Variants in FTO observed in about 807,000 individuals in gnomAD.
The protein encoded by FTO is alpha-ketoglutarate-dependent dioxygenase FTO.
Under a neutral mutation model 63.9 loss-of-function variants are expected in FTO, and 47 were observed. The observed-to-expected ratio is 0.74, with a 90% CI of 0.58 to 0.94. FTO has a LOEUF of 0.94. FTO is among the 40% of genes least tolerant of loss of function. FTO has a pLI of 0.00. For missense variants in FTO, 562 were observed against 618.1 expected, an observed-to-expected ratio of 0.91 and a Z score of 0.96; for synonymous variants, 207 against 224.4, an observed-to-expected ratio of 0.92 and a Z score of 0.69.
At chr16:53,973,861 C>T (rs1403401660) in intron 8 of FTO, among the ~76,000 whole-genome samples, 4 of 152,088 alleles carry the variant, frequency 2.6e-5, no homozygotes, top group East Asian at 1.9e-4. Flanking sequence ...TCCACTTTAC[C>T]GTATGTAAAA....
intron 8 of FTO, among the ~76,000 whole-genome samples, chr16:53,950,310 C>T (rs1017406735): frequency 5.9e-5 from 9 of 151,920 alleles, no homozygotes; most frequent in African/African-American, 1.5e-4. Flanking sequence ...CAAAAAGCCT[C>T]GTTACTGAGA....
chr16:53,722,780 G>T (rs1277824545), intron 1 of FTO, among the ~76,000 whole-genome samples: 2 of 151,432 alleles, frequency 1.3e-5, no homozygotes, highest in East Asian at 3.9e-4. Context: ...GTGAGCTGAG[G>T]TTGCACCACT....
intron 8 of FTO, among the ~76,000 whole-genome samples, chr16:54,099,657 A>C (rs774624613): frequency 2.0e-5 from 3 of 152,216 alleles, no homozygotes; most frequent in African/African-American, 7.2e-5. Flanking sequence ...TGACAAGCCC[A>C]CAAATGAACT....
At chr16:53,766,661 T>C (rs1193771248) in intron 1 of FTO, among the ~76,000 whole-genome samples, 1 of 152,146 alleles carries the variant, frequency 6.6e-6, no homozygotes, top group Non-Finnish European at 1.5e-5. Flanking sequence ...AAGAGGCTGT[T>C]GTGGAGAGGG....
chr16:54,105,490 C>G (rs1227185642), intron 8 of FTO, among the ~76,000 whole-genome samples: 3 of 152,138 alleles, frequency 2.0e-5, no homozygotes, highest in Admixed American at 6.6e-5. Flanking sequence ...CGCCCTGGCT[C>G]ACTTGCACAC....
intron 8 of FTO, among the ~76,000 whole-genome samples, chr16:53,965,162 C>T (rs1411021181): frequency 2.0e-5 from 3 of 152,150 alleles, no homozygotes; most frequent in Non-Finnish European, 2.9e-5. Flanking sequence ...CAACCTCCGC[C>T]TCCTGGGTTC....
chr16:53,924,163 CA>C (rs1186510657), intron 7 of FTO, among the ~76,000 whole-genome samples: 2 of 152,194 alleles, frequency 1.3e-5, no homozygotes, highest in Admixed American at 1.3e-4. Flanking sequence ...TAACATTTAT[CA>C]AGCATTTTGT....
At chr16:53,980,161 C>A (rs1461635206) in intron 8 of FTO, among the ~76,000 whole-genome samples, 2 of 152,218 alleles carry the variant, frequency 1.3e-5, no homozygotes, top group African/African-American at 2.4e-5. Flanking sequence ...AGTGAAGCCA[C>A]ATGACTTTGC....
intron 8 of FTO, among the ~76,000 whole-genome samples, chr16:54,008,803 A>C (rs1201618503): frequency 2.9e-5 from 4 of 137,530 alleles, no homozygotes; most frequent in African/African-American, 1.1e-4. Context: ...CCCTGTCTCC[A>C]CAAATAATAA....
intron 7 of FTO, among the ~76,000 whole-genome samples, chr16:53,914,026 G>A (rs557425432): frequency 6.6e-6 from 1 of 150,948 alleles, no homozygotes; most frequent in South Asian, 2.1e-4. Context: ...CCTGGCCACA[G>A]TCCCTCGGCC....
rs1016084010 is a variant in FTO, at chr16:53,811,886, C to A, written c.123+1669C>A. On this transcript the variant is annotated intron_variant, in intron 2 of 8. Coordinates refer to ENST00000471389, the MANE Select transcript of FTO (RefSeq NM_001080432.3). Reference sequence around the variant, plus strand: ...GGAATGCAGTGGTGTAATCTGGATTCACTGCAACCTCTGCCCCCTGGGCCC... The same window carrying A: ...GGAATGCAGTGGTGTAATCTGGATTAACTGCAACCTCTGCCCCCTGGGCCC... Among the ~76,000 whole-genome samples the A allele has an allele frequency of 3.3e-5, 5 of 152,236 alleles. No individual in the cohort carries two copies. In the South Asian group the frequency reaches 1.0e-3, roughly 32 times the overall value.
At chr16:53,873,339 C>T (rs1320026384) in intron 4 of FTO, among the ~76,000 whole-genome samples, 1 of 151,946 alleles carries the variant, frequency 6.6e-6, no homozygotes, top group Non-Finnish European at 1.5e-5. Flanking sequence ...GAGGACAGTC[C>T]TGGTTTATAC....
intron 1 of FTO, among the ~76,000 whole-genome samples, chr16:53,743,508 G>T (rs768185362): frequency 6.7e-6 from 1 of 150,346 alleles, no homozygotes. Flanking sequence ...AGCCTCAGAT[G>T]AGTCTTTGAT....
chr16:53,959,808 T>C (rs1409857798), intron 8 of FTO, among the ~76,000 whole-genome samples: 2 of 151,950 alleles, frequency 1.3e-5, no homozygotes, highest in South Asian at 4.2e-4. Context: ...CACCCATCCA[T>C]AGAGCAGGTA....
At chr16:54,097,005 T>G (rs1266885146) in intron 8 of FTO, among the ~76,000 whole-genome samples, 3 of 152,254 alleles carry the variant, frequency 2.0e-5, no homozygotes, top group African/African-American at 7.2e-5. Context: ...GCCTTGGCAC[T>G]AGCTGTGGCC....
chr16:53,732,253 A>G (rs1480408804), intron 1 of FTO, among the ~76,000 whole-genome samples: 3 of 151,448 alleles, frequency 2.0e-5, no homozygotes, highest in Admixed American at 6.6e-5. Context: ...GGGTTTCACC[A>G]TGTTAGCCAG....
At chr16:54,048,928 C>A (rs1482233191) in intron 8 of FTO, among the ~76,000 whole-genome samples, 1 of 152,184 alleles carries the variant, frequency 6.6e-6, no homozygotes, top group African/African-American at 2.4e-5. Flanking sequence ...GTAATGTGCA[C>A]TGATGACAAA....
At chr16:53,752,037 G>A (rs1401030305) in intron 1 of FTO, among the ~76,000 whole-genome samples, 1 of 152,168 alleles carries the variant, frequency 6.6e-6, no homozygotes, top group African/African-American at 2.4e-5. Flanking sequence ...TGGCACATGG[G>A]CACAAAGACA....
At chr16:53,752,099 A>C (rs939251967) in intron 1 of FTO, among the ~76,000 whole-genome samples, 1 of 152,382 alleles carries the variant, frequency 6.6e-6, no homozygotes, top group South Asian at 2.1e-4. Flanking sequence ...GAACACGAGC[A>C]ATCTAAGTAT....
Sources: gnomAD v4.1 joint callset for allele counts (sites outside exome capture counted in the v4.1 genomes callset) on GRCh38, gnomAD v4.1.1 for gene constraint, MANE v1.5 for transcripts, NCBI Gene and HGNC (gene_info 2026-07-23, HGNC 2026-07-21) for gene names.